SLC35F4: variants seen among roughly 807,000 people sequenced by gnomAD.
The protein encoded by SLC35F4 is solute carrier family 35 member F4.
SLC35F4 carries 24 observed loss-of-function variants against 44.2 expected under a neutral mutation model. The observed-to-expected ratio is 0.54, with a 90% CI of 0.39 to 0.76. The LOEUF (loss-of-function observed/expected upper bound fraction) is 0.76, where lower values mean the gene tolerates loss of function less well. Among genes scored for constraint, SLC35F4 ranks in the 30% least tolerant of loss-of-function variants. SLC35F4 has a pLI of 0.00. For synonymous variants in SLC35F4, 238 were observed against 223.6 expected, an observed-to-expected ratio of 1.06 and a Z score of -0.57; for missense variants, 562 against 586.1, an observed-to-expected ratio of 0.96 and a Z score of 0.42.
chr14:57,654,108 C>T (rs1402578076), intron 1 of SLC35F4, among the ~76,000 whole-genome samples: 4 of 152,138 alleles, frequency 2.6e-5, no homozygotes, highest in Middle Eastern at 3.2e-3. Flanking sequence ...TTCTACTCAT[C>T]CAGTATGGCT....
chr14:57,576,851 A>T (rs1351221936), intron 4 of SLC35F4, among the ~76,000 whole-genome samples: 1 of 152,182 alleles, frequency 6.6e-6, no homozygotes, highest in Non-Finnish European at 1.5e-5. Flanking sequence ...ACGAAGAAAG[A>T]GTGAAGGATA....
At chr14:57,856,414 A>G (rs1018525617) in intron 1 of SLC35F4, among the ~76,000 whole-genome samples, 7 of 152,096 alleles carry the variant, frequency 4.6e-5, no homozygotes, top group Admixed American at 3.3e-4. Context: ...TTGTAGCCAC[A>G]AACCAGGTCT....
At chr14:57,744,029 C>T (rs1024599727) in intron 1 of SLC35F4, among the ~76,000 whole-genome samples, 1 of 152,182 alleles carries the variant, frequency 6.6e-6, no homozygotes, top group Non-Finnish European at 1.5e-5. Context: ...TTCAACAGCT[C>T]TTCATGCTAA....
At chr14:57,637,536 A>G (rs1451670742) in intron 1 of SLC35F4, among the ~76,000 whole-genome samples, 1 of 152,078 alleles carries the variant, frequency 6.6e-6, no homozygotes, top group African/African-American at 2.4e-5. Context: ...AAATGTCCAA[A>G]TACATAAAAT....
At chr14:57,807,235 C>T (rs1206505753) in intron 1 of SLC35F4, among the ~76,000 whole-genome samples, 10 of 152,140 alleles carry the variant, frequency 6.6e-5, no homozygotes, top group Admixed American at 6.5e-4. Flanking sequence ...TGTTCTTCCT[C>T]TTGAGAGCAT....
At chr14:57,918,224 A>G (rs370648531) in intron 1 of SLC35F4, among the ~76,000 whole-genome samples, 1 of 152,162 alleles carries the variant, frequency 6.6e-6, no homozygotes, top group African/African-American at 2.4e-5. Context: ...CAAAACTCAC[A>G]ACAGTGTAGG....
At chr14:57,948,448 G>C (rs754217536) in intron 1 of SLC35F4, among the ~76,000 whole-genome samples, 2 of 151,862 alleles carry the variant, frequency 1.3e-5, no homozygotes, top group Non-Finnish European at 2.9e-5. Context: ...TCTCACTAAC[G>C]GTCTATCAAT....
intron 1 of SLC35F4, among the ~76,000 whole-genome samples, chr14:57,966,352 G>A (rs564057898): frequency 2.8e-4 from 42 of 152,282 alleles, no homozygotes; most frequent in Middle Eastern, 6.8e-3. Flanking sequence ...TGGGAATTCT[G>A]TAATATATCT....
At chr14:57,564,640 C>T (rs1471286864) in intron 7 of SLC35F4, among the ~76,000 whole-genome samples, 1 of 152,198 alleles carries the variant, frequency 6.6e-6, no homozygotes, top group African/African-American at 2.4e-5. Context: ...CTCTTTACCC[C>T]TTTAACCTTC....
At chr14:57,597,693 A>C (rs957487889) in intron 1 of SLC35F4, among the ~76,000 whole-genome samples, 3 of 152,210 alleles carry the variant, frequency 2.0e-5, no homozygotes, top group African/African-American at 7.2e-5. Flanking sequence ...AATCAGGCAG[A>C]GGTTTAGGCT....
At chr14:57,630,549 A>G (rs2072717759) in intron 1 of SLC35F4, 7 of 1,106,024 alleles carry the variant, frequency 6.3e-6, no homozygotes, top group Admixed American at 1.7e-5. Context: ...AAAACACATT[A>G]TAAGTCTGGC....
intron 1 of SLC35F4, among the ~76,000 whole-genome samples, chr14:57,686,546 T>A (rs894809511): frequency 6.6e-6 from 1 of 152,092 alleles, no homozygotes; most frequent in Non-Finnish European, 1.5e-5. Flanking sequence ...CATGAGAGCC[T>A]TTTTTTCTGA....
At chr14:57,681,178 A>C (rs946508127) in intron 1 of SLC35F4, among the ~76,000 whole-genome samples, 3 of 152,146 alleles carry the variant, frequency 2.0e-5, no homozygotes, top group African/African-American at 7.3e-5. Flanking sequence ...ACAGATATAT[A>C]GACCAATGCA....
rs576615320 is a variant in SLC35F4, at chr14:57,888,385, G to A, written n.282+93528C>T. 9.9e-5 allele frequency among the ~76,000 whole-genome samples: 15 copies of A among 152,260 alleles called. No homozygotes were observed. The South Asian group carries it at 2.5e-3, about 25-fold the overall frequency. On this transcript the variant is annotated intron_variant and non_coding_transcript_variant, in intron 1 of 1. Coordinates refer to the SLC35F4 transcript ENST00000556568. Reference sequence around the variant, plus strand: ...AATCCCCTTCCATGTTGGGAATATCGTAGTAGAAGATGCAGACTCTGGGAC... The same window carrying A: ...AATCCCCTTCCATGTTGGGAATATCATAGTAGAAGATGCAGACTCTGGGAC...
At chr14:57,591,612 T>A (rs2139907951) in intron 2 of SLC35F4, among the ~76,000 whole-genome samples, 1 of 152,344 alleles carries the variant, frequency 6.6e-6, no homozygotes, top group Middle Eastern at 3.4e-3. Context: ...TGAACCCAAC[T>A]GAATCAGTAT....
At chr14:57,739,283 A>C (rs1490266616) in intron 1 of SLC35F4, among the ~76,000 whole-genome samples, 1 of 152,202 alleles carries the variant, frequency 6.6e-6, no homozygotes, top group South Asian at 2.1e-4. Flanking sequence ...CATTCGAGAC[A>C]CCTCACTCCA....
intron 4 of SLC35F4, among the ~76,000 whole-genome samples, chr14:57,574,806 T>G (rs1305052000): frequency 6.6e-6 from 1 of 152,186 alleles, no homozygotes; most frequent in Non-Finnish European, 1.5e-5. Context: ...GTAAATACTC[T>G]TTAGATGTCT....
intron 1 of SLC35F4, among the ~76,000 whole-genome samples, chr14:57,901,967 C>A (rs948332096): frequency 2.6e-5 from 4 of 152,120 alleles, no homozygotes; most frequent in Admixed American, 2.0e-4. Flanking sequence ...CTCTGAGAGA[C>A]TGCTGTGAGT....
intron 1 of SLC35F4, among the ~76,000 whole-genome samples, chr14:57,766,607 A>G (rs935626762): frequency 5.9e-5 from 9 of 152,350 alleles, no homozygotes; most frequent in African/African-American, 2.2e-4. Context: ...TATGACAGTC[A>G]GGTGCCTGAG....
Sources: allele counts gnomAD v4.1 joint callset (sites outside exome capture counted in the v4.1 genomes callset), GRCh38; gene constraint gnomAD v4.1.1; transcripts MANE v1.5; gene names NCBI Gene and HGNC (gene_info 2026-07-23, HGNC 2026-07-21).